The following AKAP7 variants were observed in gnomAD, a reference collection of about 807,000 sequenced individuals.
The protein encoded by AKAP7 is A-kinase anchoring protein 7.
AKAP7 carries 39 observed loss-of-function variants against 39.5 expected under a neutral mutation model. The ratio of observed to expected loss-of-function variants is 0.99; its 90% CI spans 0.76 to 1.29. AKAP7 has a LOEUF of 1.29. AKAP7 is among the 50% of genes most tolerant of loss of function. The pLI, the probability that AKAP7 is intolerant of heterozygous loss-of-function variation, is 0.00. For missense variants in AKAP7, 414 were observed against 407.7 expected (o/e 1.02, Z -0.13); for synonymous variants, 140 against 139.1 (o/e 1.01, Z -0.05).
chr6:131,248,241 A>G (rs925538602), intron 7 of AKAP7, among the ~76,000 whole-genome samples: 2 of 152,188 alleles, frequency 1.3e-5, no homozygotes, highest in African/African-American at 4.8e-5. Context: ...TGCAAATTAA[A>G]AGCTTTATAA....
rs60033504 is a variant in AKAP7, at chr6:131,247,269, GTATATATATATATATATATATATATATA to G, written c.850+27479_850+27506del. On this transcript the variant is annotated intron_variant, in intron 7 of 7. Transcript: ENST00000431975. ...TGATAGTTAATGACACATTTCATAT[GTATATATATATATATATATATATATATA>G]TATATATATATATATATGTTTTTTT... is the stretch of plus-strand genomic sequence containing the variant. Among the ~76,000 whole-genome samples, 94 of 91,924 alleles carry G rather than the reference GTATATATATATATATATATATATATATA, an allele frequency of 1.0e-3. 1 individual carries two copies. The highest frequency in any genetic ancestry group is 8.3e-3 in the South Asian group (21 of 2,534). The allele number at this position is 91,924 out of a possible 152,430, so 60.3% of individuals were successfully genotyped here. A position where few individuals can be genotyped will look rare whatever the true frequency, so the allele number is the denominator to read the frequency against.
intron 1 of AKAP7, chr6:131,136,989 C>A: frequency 1.7e-6 from 1 of 605,512 alleles, no homozygotes; most frequent in Non-Finnish European, 2.1e-6. Context: ...GAGACAGGGT[C>A]TTCCTCTGTT....
chr6:131,232,226 G>T (rs1331191028), intron 7 of AKAP7, among the ~76,000 whole-genome samples: 2 of 152,170 alleles, frequency 1.3e-5, no homozygotes, highest in South Asian at 2.1e-4. Flanking sequence ...CTACTAAAAT[G>T]ATGCAGTAGT....
chr6:131,210,401 T>G (rs1186604002), intron 6 of AKAP7, among the ~76,000 whole-genome samples: 1 of 152,240 alleles, frequency 6.6e-6, no homozygotes, highest in East Asian at 1.9e-4. Context: ...CTTACTCATA[T>G]CATCTTAGGG....
chr6:131,188,213 A>T (rs1246542265), intron 5 of AKAP7, among the ~76,000 whole-genome samples: 2 of 127,352 alleles, frequency 1.6e-5, no homozygotes, highest in Non-Finnish European at 3.3e-5. Context: ...TGGTTTCAGC[A>T]TTATGTCAGC....
intron 5 of AKAP7, among the ~76,000 whole-genome samples, chr6:131,183,133 C>T (rs1036633094): frequency 6.6e-6 from 1 of 152,020 alleles, no homozygotes; most frequent in Non-Finnish European, 1.5e-5. Context: ...GTTTAGAATA[C>T]AGGAACTAAC....
At chr6:131,222,014 T>C (rs988044554) in intron 7 of AKAP7, among the ~76,000 whole-genome samples, 1 of 152,182 alleles carries the variant, frequency 6.6e-6, no homozygotes, top group Non-Finnish European at 1.5e-5. Context: ...CTGCCATGAA[T>C]AGTGATTATT....
At chr6:131,200,803 C>T (rs1807483011) in intron 6 of AKAP7, 1 of 152,140 alleles carries the variant, frequency 6.6e-6, no homozygotes, top group South Asian at 2.1e-4. Flanking sequence ...AACTTGTAGA[C>T]TGACAGTTTG....
intron 6 of AKAP7, among the ~76,000 whole-genome samples, chr6:131,213,255 G>C (rs566319845): frequency 6.6e-6 from 1 of 152,136 alleles, no homozygotes; most frequent in Non-Finnish European, 1.5e-5. Flanking sequence ...CAGTGTTGAC[G>C]TTTTTTATAC....
chr6:131,204,424 T>G (rs1391291518), intron 6 of AKAP7, among the ~76,000 whole-genome samples: 1 of 152,198 alleles, frequency 6.6e-6, no homozygotes, highest in Non-Finnish European at 1.5e-5. Context: ...TCCTATAAAA[T>G]GTATACTGTA....
intron 6 of AKAP7, among the ~76,000 whole-genome samples, chr6:131,211,981 C>G (rs939341504): frequency 6.6e-6 from 1 of 152,060 alleles, no homozygotes; most frequent in Non-Finnish European, 1.5e-5. Flanking sequence ...CTTACATTAG[C>G]CTACAGTTGG....
intron 2 of AKAP7, among the ~76,000 whole-genome samples, chr6:131,152,315 T>C (rs940059571): frequency 2.0e-5 from 3 of 152,228 alleles, no homozygotes; most frequent in Non-Finnish European, 2.9e-5. Context: ...GAAATTCTAA[T>C]TGGTAAACTA....
chr6:131,197,782 G>A (rs895060817), intron 5 of AKAP7, among the ~76,000 whole-genome samples: 5 of 152,114 alleles, frequency 3.3e-5, no homozygotes, highest in Non-Finnish European at 5.9e-5. Context: ...ACACCAGGCC[G>A]TGGGGGCTAC....
intron 5 of AKAP7, among the ~76,000 whole-genome samples, chr6:131,191,451 G>A (rs1046548472): frequency 4.0e-4 from 61 of 152,172 alleles, no homozygotes; most frequent in Non-Finnish European, 5.9e-5. Context: ...ACATGCTTAT[G>A]CTGGACTTGT....
chr6:131,145,217 C>A, intron 1 of AKAP7, 68 bp from the exon 2 acceptor site: 2 of 1,100,734 alleles, frequency 1.8e-6, no homozygotes, highest in South Asian at 3.1e-5. Flanking sequence ...GAGTTATTTT[C>A]ATTTAGGATA....
At chr6:131,272,256 T>C (rs1273395836) in intron 7 of AKAP7, among the ~76,000 whole-genome samples, 1 of 152,234 alleles carries the variant, frequency 6.6e-6, no homozygotes, top group Non-Finnish European at 1.5e-5. Context: ...ATCTTGTATT[T>C]TTTGTTTCTG....
At chr6:131,170,105 C>T (rs1803889098) in intron 5 of AKAP7, among the ~76,000 whole-genome samples, 1 of 128,542 alleles carries the variant, frequency 7.8e-6, no homozygotes, top group Non-Finnish European at 1.5e-5. Context: ...AATGAGAACA[C>T]ATGGACACAG....
intron 5 of AKAP7, among the ~76,000 whole-genome samples, chr6:131,199,185 A>C (rs538273677): frequency 1.3e-5 from 2 of 152,228 alleles, no homozygotes; most frequent in South Asian, 2.1e-4. Context: ...TCAGCCCAGC[A>C]GTTATTCTGT....
In AKAP7 at chr6:131,282,600, C is replaced by CAT. The variant is rs1183606189; in HGVS notation, c.*876_*877dup. On this transcript the variant is annotated 3_prime_UTR_variant, in exon 8 of 8. Transcript: ENST00000431975. ...GACGTTGATTTCAGCACAACTTTGA[C>CAT]ATAAGCTCTACATTGCGATTGTGAC... is the stretch of plus-strand genomic sequence containing the variant. 6.5e-7 allele frequency: 1 copy of CAT among 1,533,580 alleles called. No homozygotes were observed. Among genetic ancestry groups the CAT allele is most frequent in the African/African-American group, 1.4e-5 (1 of 72,954 alleles). The allele number at this position is 1,533,580 out of a possible 1,614,324, so 95.0% of individuals were successfully genotyped here.
Sources: gnomAD v4.1 joint callset for allele counts (sites outside exome capture counted in the v4.1 genomes callset) on GRCh38, gnomAD v4.1.1 for gene constraint, MANE v1.5 for transcripts, NCBI Gene and HGNC (gene_info 2026-07-23, HGNC 2026-07-21) for gene names.